PKNOX1: variants seen among roughly 807,000 people sequenced by gnomAD.
PKNOX1 encodes homeobox protein PKNOX1.
PKNOX1 carries 15 observed loss-of-function variants against 51.9 expected under a neutral mutation model. That is an observed-to-expected ratio of 0.29 (90% CI 0.19 to 0.45). PKNOX1 has a LOEUF of 0.45. Among genes scored for constraint, PKNOX1 ranks in the 20% least tolerant of loss-of-function variants. PKNOX1 has a pLI of 1.00. For missense variants in PKNOX1, 462 were observed against 547.5 expected (o/e 0.84, Z 1.56); for synonymous variants, 219 against 211.1 (o/e 1.04, Z -0.32).
At chr21:43,011,208 C>CAGG (rs981530385) in intron 4 of PKNOX1, among the ~76,000 whole-genome samples, 1 of 151,874 alleles carries the variant, frequency 6.6e-6, no homozygotes, top group African/African-American at 2.4e-5. Context: ...GCTGGGACTA[C>CAGG]AGGCACCCGC....
chr21:42,975,286 G>A (rs2058988844), intron 1 of PKNOX1, among the ~76,000 whole-genome samples: 1 of 150,790 alleles, frequency 6.6e-6, no homozygotes, highest in Non-Finnish European at 1.5e-5. Flanking sequence ...GTGGGTCGGG[G>A]TCCTGGGGGC....
chr21:43,018,038 C>T, intron 6 of PKNOX1, 95 bp from the exon 7 acceptor site: 1 of 618,680 alleles, frequency 1.6e-6, no homozygotes, highest in Non-Finnish European at 2.6e-6. Flanking sequence ...AGCAATGTCC[C>T]TGTCTCTACA....
chr21:43,016,607 C>T (rs550748317), intron 5 of PKNOX1, among the ~76,000 whole-genome samples: 18 of 152,298 alleles, frequency 1.2e-4, no homozygotes, highest in African/African-American at 2.9e-4. Flanking sequence ...CAGGGTCTTC[C>T]TCGATATACT....
At chr21:43,013,344 C>G (rs2839618) in intron 5 of PKNOX1, 106 bp downstream of exon 5, 104,473 of 860,008 alleles carry the variant, frequency 0.12, 7,288 homozygotes, top group African/African-American at 0.25. Flanking sequence ...ATCTTTATGA[C>G]TTTCTACAAG....
intron 10 of PKNOX1, 54 bp from the exon 11 acceptor site, chr21:43,029,836 G>A: frequency 6.9e-7 from 1 of 1,453,576 alleles, no homozygotes; most frequent in South Asian, 1.2e-5. Context: ...GAGTAATAAA[G>A]TGTTTTTCTG....
chr21:43,024,469 A>G (rs1979903612), intron 8 of PKNOX1: 1 of 160,892 alleles, frequency 6.2e-6, no homozygotes, highest in African/African-American at 2.4e-5. Flanking sequence ...GCCAGAACGC[A>G]TCCACCCATC....
At chr21:43,003,384 T>G (rs1184863917) in intron 1 of PKNOX1, among the ~76,000 whole-genome samples, 1 of 152,220 alleles carries the variant, frequency 6.6e-6, no homozygotes, top group Admixed American at 6.5e-5. Flanking sequence ...TCTGTTGTCA[T>G]GAAGCAAGTG....
intron 7 of PKNOX1, among the ~76,000 whole-genome samples, chr21:43,018,543 G>A (rs1355997336): frequency 2.3e-5 from 3 of 128,560 alleles, no homozygotes; most frequent in Non-Finnish European, 3.1e-5. Flanking sequence ...CAGTGCTAAC[G>A]TTGGATCATG....
chr21:43,008,897 A>C (rs371267533), intron 3 of PKNOX1, among the ~76,000 whole-genome samples: 1 of 152,394 alleles, frequency 6.6e-6, no homozygotes, highest in African/African-American at 2.4e-5. Context: ...AAACGTGTAC[A>C]TGAATTTTCA....
At chr21:42,998,054 C>T (rs1978588196) in intron 1 of PKNOX1, among the ~76,000 whole-genome samples, 1 of 152,110 alleles carries the variant, frequency 6.6e-6, no homozygotes, top group African/African-American at 2.4e-5. Flanking sequence ...TCCATTTTCA[C>T]ACTGCTGATA....
intron 1 of PKNOX1, among the ~76,000 whole-genome samples, chr21:42,987,882 T>G (rs2059063446): frequency 2.0e-5 from 3 of 151,966 alleles, no homozygotes; most frequent in Non-Finnish European, 4.4e-5. Flanking sequence ...CCTCCCAAAG[T>G]GCTGGGATTA....
At chr21:42,982,359 CAT>C (rs1229924141) in intron 1 of PKNOX1, among the ~76,000 whole-genome samples, 1 of 152,196 alleles carries the variant, frequency 6.6e-6, no homozygotes, top group Non-Finnish European at 1.5e-5. Flanking sequence ...TGTTTTGTTA[CAT>C]GTTCTCTCAG....
At chr21:42,978,100 G>C (rs1378171561) in intron 1 of PKNOX1, among the ~76,000 whole-genome samples, 2 of 152,040 alleles carry the variant, frequency 1.3e-5, no homozygotes, top group East Asian at 3.9e-4. Context: ...CTGCCTCCTG[G>C]GTGCAAGCAA....
chr21:42,987,967 T>G (rs1601274177), intron 1 of PKNOX1, among the ~76,000 whole-genome samples: 1 of 152,192 alleles, frequency 6.6e-6, no homozygotes, highest in East Asian at 1.9e-4. Context: ...ACAGACAGTA[T>G]GTGACCCACA....
At chr21:42,996,284 G>C (rs539539603) in intron 1 of PKNOX1, among the ~76,000 whole-genome samples, 6 of 152,118 alleles carry the variant, frequency 3.9e-5, no homozygotes, top group African/African-American at 1.2e-4. Context: ...ATTGTGTAGT[G>C]GGGGAGACCT....
intron 1 of PKNOX1, among the ~76,000 whole-genome samples, chr21:42,992,571 G>A (rs2059092795): frequency 6.6e-6 from 1 of 152,196 alleles, no homozygotes; most frequent in African/African-American, 2.4e-5. Context: ...CTCAGCGGCT[G>A]GGGGTGACGT....
chr21:42,987,579 C>CT (rs534937280), intron 1 of PKNOX1, among the ~76,000 whole-genome samples: 4 of 147,132 alleles, frequency 2.7e-5, no homozygotes, highest in South Asian at 4.3e-4. Flanking sequence ...TCCCACTGAC[C>CT]TTTTTTTTGT....
chr21:43,032,314 T>TTCCCTCACCACCCTCCGTCTCTTCG lies in PKNOX1; in HGVS notation c.*2214_*2238dup, dbSNP rs74278009. ...ATGAAAGCCAGCCAGCCCTTCCTCC[T>TTCCCTCACCACCCTCCGTCTCTTCG]TCCCTCACCACCCTCCGTCTCTTCG... On this transcript the variant is annotated 3_prime_UTR_variant, in exon 11 of 11. Coordinates refer to ENST00000291547, the MANE Select transcript of PKNOX1 (RefSeq NM_004571.5). The TTCCCTCACCACCCTCCGTCTCTTCG allele has an allele frequency of 0.23, 96,282 of 414,416 alleles. 13,414 individuals carry two copies. Among genetic ancestry groups the TTCCCTCACCACCCTCCGTCTCTTCG allele is most frequent in the Non-Finnish European group, 0.27 (55,563 of 202,164 alleles). 25.7% of individuals were successfully genotyped at this position (414,416 alleles called of 1,614,324 possible). A position where few individuals can be genotyped will look rare whatever the true frequency, so the allele number is the denominator to read the frequency against.
intron 1 of PKNOX1, among the ~76,000 whole-genome samples, chr21:42,999,321 C>G (rs1978644228): frequency 6.6e-6 from 1 of 152,230 alleles, no homozygotes; most frequent in South Asian, 2.1e-4. Flanking sequence ...GTTTTTCCTT[C>G]TAGGCCTCTG....
Sources: gnomAD v4.1 joint callset for allele counts (sites outside exome capture counted in the v4.1 genomes callset) on GRCh38, gnomAD v4.1.1 for gene constraint, MANE v1.5 for transcripts, NCBI Gene and HGNC (gene_info 2026-07-23, HGNC 2026-07-21) for gene names.